Variants in PGM5 observed in about 807,000 individuals in gnomAD.
The protein encoded by PGM5 is phosphoglucomutase-like protein 5.
A neutral mutation model predicts 59.2 loss-of-function variants in PGM5; 23 were observed. That is an observed-to-expected ratio of 0.39 (90% CI 0.28 to 0.55). The LOEUF (loss-of-function observed/expected upper bound fraction) is 0.55, where lower values mean the gene tolerates loss of function less well. Ranked by LOEUF, PGM5 falls within the 20% of genes least tolerant of loss-of-function variation. PGM5 has a pLI of 0.66. For missense variants in PGM5, 574 were observed against 748.3 expected, an observed-to-expected ratio of 0.77 and a Z score of 2.72; for synonymous variants, 214 against 286.0, an observed-to-expected ratio of 0.75 and a Z score of 2.54.
At chr9:68,448,460 C>T (rs1823647891) in intron 6 of PGM5, among the ~76,000 whole-genome samples, 1 of 152,162 alleles carries the variant, frequency 6.6e-6, no homozygotes, top group South Asian at 2.1e-4. Flanking sequence ...ATGCTAATTT[C>T]ATTAACAAAC....
chr9:68,442,272 G>A (rs1486282999), intron 6 of PGM5, among the ~76,000 whole-genome samples: 1 of 152,028 alleles, frequency 6.6e-6, no homozygotes, highest in Non-Finnish European at 1.5e-5. Context: ...AAAGCTACAG[G>A]AATCACACTT....
At chr9:68,519,766 C>A (rs988899415) in intron 10 of PGM5, among the ~76,000 whole-genome samples, 1 of 151,506 alleles carries the variant, frequency 6.6e-6, no homozygotes, top group Non-Finnish European at 1.5e-5. Flanking sequence ...GAACTAACTG[C>A]TGTAGGAAAA....
intron 10 of PGM5, among the ~76,000 whole-genome samples, chr9:68,513,255 T>C (rs1554689515): frequency 6.6e-6 from 1 of 152,268 alleles, no homozygotes; most frequent in African/African-American, 2.4e-5. Flanking sequence ...ATGAGGCTTC[T>C]GAGGTTGAAC....
At chr9:68,383,008 A>T (rs1261374225) in intron 2 of PGM5, among the ~76,000 whole-genome samples, 1 of 152,062 alleles carries the variant, frequency 6.6e-6, no homozygotes, top group Non-Finnish European at 1.5e-5. Flanking sequence ...AAACGAAACA[A>T]GACTACCTAT....
rs562598807 is a variant in PGM5, at chr9:68,489,162, G to C, written c.1479+5114G>C. Among the ~76,000 whole-genome samples, 11 of 152,228 alleles carry C rather than the reference G, an allele frequency of 7.2e-5. No individual in the cohort carries two copies. The South Asian group carries it at 2.1e-3, about 29-fold the overall frequency. ...TCTCCATCTCTAACATGTGGCCTAA[G>C]TCCTGGAATCTCCACTCAGTGCCAC... is the stretch of plus-strand genomic sequence containing the variant. On this transcript the variant is annotated intron_variant, in intron 9 of 10. Transcript: ENST00000396396.
intron 10 of PGM5, among the ~76,000 whole-genome samples, chr9:68,505,021 C>A (rs1235089784): frequency 6.6e-6 from 1 of 152,200 alleles, no homozygotes; most frequent in African/African-American, 2.4e-5. Context: ...CTACAACATG[C>A]AGGCTCCATT....
intron 6 of PGM5, among the ~76,000 whole-genome samples, chr9:68,454,362 C>G (rs1554684624): frequency 6.6e-6 from 1 of 152,204 alleles, no homozygotes; most frequent in Non-Finnish European, 1.5e-5. Context: ...TCAAACTACT[C>G]AGTTTTGAGT....
intron 1 of PGM5, among the ~76,000 whole-genome samples, chr9:68,377,030 A>G (rs537213889): frequency 2.6e-5 from 4 of 151,320 alleles, no homozygotes; most frequent in Non-Finnish European, 5.9e-5. Context: ...AGGTTCAAGC[A>G]ATTCTCCCAC....
intron 9 of PGM5, among the ~76,000 whole-genome samples, chr9:68,495,599 A>C (rs782811354): frequency 6.6e-6 from 1 of 152,220 alleles, no homozygotes; most frequent in African/African-American, 2.4e-5. Flanking sequence ...AGCATCCTGC[A>C]GTAAAAGTGA....
At chr9:68,484,904 C>G (rs1824270373) in intron 9 of PGM5, among the ~76,000 whole-genome samples, 1 of 152,166 alleles carries the variant, frequency 6.6e-6, no homozygotes, top group Non-Finnish European at 1.5e-5. Flanking sequence ...CACATTCCCA[C>G]TTCCATTTTA....
chr9:68,410,949 G>A (rs1822918946), intron 6 of PGM5, among the ~76,000 whole-genome samples: 1 of 152,214 alleles, frequency 6.6e-6, no homozygotes, highest in Admixed American at 6.5e-5. Flanking sequence ...TCAGGATGTG[G>A]TCTTTGACCT....
chr9:68,418,481 G>T (rs1448896970), intron 6 of PGM5, among the ~76,000 whole-genome samples: 1 of 152,084 alleles, frequency 6.6e-6, no homozygotes, highest in Non-Finnish European at 1.5e-5. Context: ...AGAGAGAAGT[G>T]CTTTGGAAAT....
chr9:68,372,492 A>G (rs1156318088), intron 1 of PGM5, among the ~76,000 whole-genome samples: 1 of 152,000 alleles, frequency 6.6e-6, no homozygotes, highest in Non-Finnish European at 1.5e-5. Flanking sequence ...TACCATAAGG[A>G]GACTCAGTGT....
At chr9:68,475,633 A>G (rs1344063505) in intron 7 of PGM5, among the ~76,000 whole-genome samples, 1 of 152,220 alleles carries the variant, frequency 6.6e-6, no homozygotes, top group African/African-American at 2.4e-5. Context: ...GTACACTAAA[A>G]GCCACTAGGC....
At chr9:68,379,597 A>G (rs1306246929) in intron 2 of PGM5, among the ~76,000 whole-genome samples, 2 of 152,158 alleles carry the variant, frequency 1.3e-5, no homozygotes, top group Non-Finnish European at 1.5e-5. Flanking sequence ...TAAGTCTTTT[A>G]CTATCAATAA....
chr9:68,504,052 AG>A (rs1231685908), intron 10 of PGM5, among the ~76,000 whole-genome samples: 2 of 152,246 alleles, frequency 1.3e-5, no homozygotes, highest in Admixed American at 6.5e-5. Context: ...GCAAAGAGCT[AG>A]GTGAACTGTG....
chr9:68,427,953 T>C (rs555456721), intron 6 of PGM5, among the ~76,000 whole-genome samples: 2 of 152,308 alleles, frequency 1.3e-5, no homozygotes, highest in Non-Finnish European at 2.9e-5. Flanking sequence ...TTGTTTTATG[T>C]TGAACACTGC....
chr9:68,470,543 A>G (rs1824002659), intron 7 of PGM5, among the ~76,000 whole-genome samples: 1 of 152,242 alleles, frequency 6.6e-6, no homozygotes, highest in African/African-American at 2.4e-5. Flanking sequence ...TACAATTATT[A>G]CATTTACTAT....
intron 6 of PGM5, among the ~76,000 whole-genome samples, chr9:68,456,817 G>C (rs190262000): frequency 6.6e-6 from 1 of 151,736 alleles, no homozygotes; most frequent in African/African-American, 2.4e-5. Flanking sequence ...GTAGAAATGG[G>C]GTTTTGCCAT....
Sources: gnomAD v4.1 joint callset for allele counts (sites outside exome capture counted in the v4.1 genomes callset) on GRCh38, gnomAD v4.1.1 for gene constraint, MANE v1.5 for transcripts, NCBI Gene and HGNC (gene_info 2026-07-23, HGNC 2026-07-21) for gene names.